Variants in PITPNB observed in about 807,000 individuals in gnomAD.
The protein encoded by PITPNB is phosphatidylinositol transfer protein beta isoform.
In PITPNB, 16 loss-of-function variants were observed where a neutral mutation model predicts 45.9. The observed-to-expected ratio is 0.35, with a 90% CI of 0.24 to 0.53. PITPNB has a LOEUF of 0.53. PITPNB is among the 20% of genes least tolerant of loss of function. PITPNB has a pLI of 0.93. For synonymous variants in PITPNB, 112 were observed against 108.9 expected, an observed-to-expected ratio of 1.03 and a Z score of -0.18; for missense variants, 188 against 330.5, an observed-to-expected ratio of 0.57 and a Z score of 3.34.
chr22:27,889,796 A>G (rs1389855908), intron 7 of PITPNB, among the ~76,000 whole-genome samples: 3 of 152,256 alleles, frequency 2.0e-5, no homozygotes, highest in African/African-American at 7.2e-5. Flanking sequence ...GGCATTCAGT[A>G]CTATTGACTG....
At chr22:27,915,471 C>G (rs1936049597) in intron 1 of PITPNB, among the ~76,000 whole-genome samples, 1 of 151,876 alleles carries the variant, frequency 6.6e-6, no homozygotes, top group South Asian at 2.1e-4. Flanking sequence ...GTTTGCATTC[C>G]AGCTACACTT....
At chr22:27,870,963 T>A (rs764795794) in intron 8 of PITPNB, among the ~76,000 whole-genome samples, 7 of 152,126 alleles carry the variant, frequency 4.6e-5, no homozygotes, top group Non-Finnish European at 7.4e-5. Context: ...GGATACACCA[T>A]CATCTGGATA....
chr22:27,876,992 T>C (rs767658334), intron 7 of PITPNB, among the ~76,000 whole-genome samples: 1 of 152,230 alleles, frequency 6.6e-6, no homozygotes, highest in African/African-American at 2.4e-5. Context: ...AAGACAGCTG[T>C]AGCCTACTTG....
intron 3 of PITPNB, among the ~76,000 whole-genome samples, chr22:27,905,565 C>T (rs188948041): frequency 3.9e-5 from 6 of 152,294 alleles, no homozygotes; most frequent in East Asian, 3.9e-4. Context: ...AAGTTCCTGG[C>T]AAATGACTCC....
chr22:27,909,582 T>C (rs1601428212), intron 3 of PITPNB, among the ~76,000 whole-genome samples: 1 of 152,120 alleles, frequency 6.6e-6, no homozygotes, highest in Non-Finnish European at 1.5e-5. Flanking sequence ...CAAGAGACTA[T>C]CTTTTGTCTA....
At chr22:27,863,902 C>A (rs904769135) in intron 8 of PITPNB, among the ~76,000 whole-genome samples, 2 of 152,160 alleles carry the variant, frequency 1.3e-5, no homozygotes, top group Admixed American at 6.5e-5. Flanking sequence ...TGGCATTGTT[C>A]TATAAAATTC....
intron 6 of PITPNB, 45 bp downstream of exon 6, chr22:27,896,507 C>T (rs1365521860): frequency 3.2e-6 from 4 of 1,247,084 alleles, no homozygotes; most frequent in Non-Finnish European, 4.7e-6. Context: ...ATAGAATTCT[C>T]GTTTCCAGGG....
intron 7 of PITPNB, among the ~76,000 whole-genome samples, chr22:27,878,037 T>A (rs1247693654): frequency 6.6e-6 from 1 of 152,340 alleles, no homozygotes; most frequent in East Asian, 1.9e-4. Context: ...GCCTGTTATA[T>A]AAAATGCTTT....
chr22:27,881,555 T>G (rs1934972424), intron 7 of PITPNB, among the ~76,000 whole-genome samples: 1 of 152,192 alleles, frequency 6.6e-6, no homozygotes, highest in Non-Finnish European at 1.5e-5. Flanking sequence ...AAAGCAGCAT[T>G]TGGCAACCAT....
At chr22:27,875,695 T>C (rs1051186552) in intron 7 of PITPNB, among the ~76,000 whole-genome samples, 1 of 152,318 alleles carries the variant, frequency 6.6e-6, no homozygotes, top group Middle Eastern at 3.4e-3. Context: ...TTCAGCATCA[T>C]TTCCCTCAAT....
intron 10 of PITPNB, among the ~76,000 whole-genome samples, chr22:27,857,083 A>G (rs1009179179): frequency 1.4e-4 from 22 of 152,172 alleles, no homozygotes; most frequent in African/African-American, 5.1e-4. Context: ...CACTCTTGCC[A>G]TCTCATCACC....
intron 5 of PITPNB, 63 bp from the exon 6 acceptor site, chr22:27,896,689 G>C: frequency 1.8e-6 from 2 of 1,098,274 alleles, no homozygotes; most frequent in Non-Finnish European, 2.8e-6. Flanking sequence ...GCCCACGTCT[G>C]AGGGAGCTTT....
At chr22:27,870,033 G>A (rs1490252966) in intron 8 of PITPNB, among the ~76,000 whole-genome samples, 1 of 152,158 alleles carries the variant, frequency 6.6e-6, no homozygotes, top group Non-Finnish European at 1.5e-5. Context: ...ATGCAACAGG[G>A]CATAAAAGGT....
At chr22:27,874,221 T>C (rs1204883869) in intron 7 of PITPNB, among the ~76,000 whole-genome samples, 1 of 152,172 alleles carries the variant, frequency 6.6e-6, no homozygotes, top group Non-Finnish European at 1.5e-5. Flanking sequence ...ACTGGACTGT[T>C]AATGCTGGCC....
intron 10 of PITPNB, among the ~76,000 whole-genome samples, chr22:27,857,611 T>A (rs111793034): frequency 3.3e-5 from 5 of 152,266 alleles, no homozygotes; most frequent in African/African-American, 1.2e-4. Flanking sequence ...GATGACCACA[T>A]GGAAACCACT....
intron 7 of PITPNB, among the ~76,000 whole-genome samples, chr22:27,886,517 T>C (rs1415961642): frequency 1.3e-5 from 2 of 152,224 alleles, no homozygotes; most frequent in Non-Finnish European, 2.9e-5. Context: ...CACTCAAGTA[T>C]TCAGTTATGC....
chr22:27,871,179 C>T (rs965248178), intron 8 of PITPNB, among the ~76,000 whole-genome samples: 9 of 152,154 alleles, frequency 5.9e-5, no homozygotes, highest in Non-Finnish European at 1.2e-4. Context: ...ATATCAGTTA[C>T]AAATCAGGCC....
intron 10 of PITPNB, 140 bp from the exon 11 acceptor site, chr22:27,855,079 C>T (rs1180007312): frequency 3.3e-5 from 20 of 605,936 alleles, no homozygotes; most frequent in East Asian, 2.3e-4. Flanking sequence ...GTTCTGTGGC[C>T]CCTCAAATAA....
chr22:27,877,328 A>G (rs1358006664), intron 7 of PITPNB, among the ~76,000 whole-genome samples: 2 of 152,234 alleles, frequency 1.3e-5, no homozygotes, highest in East Asian at 3.8e-4. Context: ...AAAATACAAT[A>G]GTATCAGCAT....
Sources: allele counts gnomAD v4.1 joint callset (sites outside exome capture counted in the v4.1 genomes callset), GRCh38; gene constraint gnomAD v4.1.1; transcripts MANE v1.5; gene names NCBI Gene and HGNC (gene_info 2026-07-23, HGNC 2026-07-21).